The following PPM1B variants were observed in gnomAD, a reference collection of about 807,000 sequenced individuals.
PPM1B encodes protein phosphatase 1B.
A neutral mutation model predicts 43.0 loss-of-function variants in PPM1B; 22 were observed. The observed-to-expected ratio is 0.51, with a 90% confidence interval of 0.37 to 0.73. The LOEUF (loss-of-function observed/expected upper bound fraction) is 0.73, where lower values mean the gene tolerates loss of function less well. Among genes scored for constraint, PPM1B ranks in the 30% least tolerant of loss-of-function variants. The pLI, the probability that PPM1B is intolerant of heterozygous loss-of-function variation, is 0.00. For missense variants in PPM1B, 632 were observed against 584.2 expected (o/e 1.08, Z -0.84); for synonymous variants, 217 against 197.9 (o/e 1.10, Z -0.81).
rs542493858 is a variant in PPM1B at position 44,179,774 on chromosome 2, C to T, written c.-15+10500C>T. On this transcript the variant is annotated intron_variant, in intron 1 of 5. Coordinates refer to ENST00000282412, the MANE Select transcript of PPM1B (RefSeq NM_002706.6). ...CTGTAATCCCAGCACTTTGGGAGGCCGAGGCGGGTGGATCACCTGAGGTCA... is the reference window on the plus strand; with the variant it reads ...CTGTAATCCCAGCACTTTGGGAGGCTGAGGCGGGTGGATCACCTGAGGTCA... 2.2e-4 allele frequency among the ~76,000 whole-genome samples: 33 copies of T among 152,030 alleles called. 2 individuals are homozygous for T. The South Asian group carries it at 4.8e-3, about 22-fold the overall frequency.
At position 44,176,202 on chromosome 2, in the gene PPM1B, G is replaced by C. The variant is rs573254426; in HGVS notation, c.-15+6928G>C. 2.8e-3 allele frequency among the ~76,000 whole-genome samples: 429 copies of C among 152,308 alleles called. 3 individuals carry two copies. Among genetic ancestry groups the C allele is most frequent in the Non-Finnish European group, 4.4e-3 (299 of 68,034 alleles). On this transcript the variant is annotated intron_variant, in intron 1 of 5. Coordinates refer to ENST00000282412, the MANE Select transcript of PPM1B (RefSeq NM_002706.6). ...TTACTGTACATCCTTGGATAGATGA[G>C]TTCCTGGAAAGGAGGATGGGAGTAA...
At chr2:44,215,581 A>G (rs1669682957) in intron 3 of PPM1B, among the ~76,000 whole-genome samples, 1 of 152,220 alleles carries the variant, frequency 6.6e-6, no homozygotes, top group African/African-American at 2.4e-5. Context: ...ATTCTGGTGT[A>G]CTTGGTAAAT....
intron 1 of PPM1B, among the ~76,000 whole-genome samples, chr2:44,194,688 A>G (rs560182545): frequency 1.6e-4 from 25 of 151,994 alleles, no homozygotes; most frequent in African/African-American, 5.5e-4. Flanking sequence ...GCGCTACTGC[A>G]CTCCAGCCTG....
At chr2:44,178,645 A>G (rs1418587874) in intron 1 of PPM1B, among the ~76,000 whole-genome samples, 1 of 151,228 alleles carries the variant, frequency 6.6e-6, no homozygotes, top group Non-Finnish European at 1.5e-5. Flanking sequence ...ATTTTTTTGT[A>G]TTTTTAGTAG....
intron 3 of PPM1B, among the ~76,000 whole-genome samples, chr2:44,210,077 C>T (rs1268631736): frequency 1.3e-5 from 2 of 152,098 alleles, no homozygotes; most frequent in East Asian, 1.9e-4. Context: ...CTCTTAATTC[C>T]GCTAATACTA....
intron 1 of PPM1B, among the ~76,000 whole-genome samples, chr2:44,187,905 C>T (rs983227833): frequency 6.6e-6 from 1 of 152,110 alleles, no homozygotes; most frequent in African/African-American, 2.4e-5. Flanking sequence ...TGCCCGCCAC[C>T]ATGCCCGGCT....
chr2:44,215,660 G>A (rs2104209789), intron 3 of PPM1B, among the ~76,000 whole-genome samples: 2 of 152,230 alleles, frequency 1.3e-5, no homozygotes, highest in Middle Eastern at 6.8e-3. Context: ...ACAGGGAATA[G>A]TAGTTCACCT....
chr2:44,218,194 G>A (rs1455414278), intron 4 of PPM1B, 116 bp downstream of exon 4: 7 of 782,778 alleles, frequency 8.9e-6, no homozygotes, highest in African/African-American at 8.8e-5. Flanking sequence ...ATGGGTTAGT[G>A]TTTCTTATAC....
At position 44,230,668 on chromosome 2, in the gene PPM1B, G is replaced by C; in HGVS notation, c.1390G>C (p.Asp464His). ...ATCAGAAAGTGGTCTTGCTGAATTA[G>C]ACAGCTCTAATGAAGATGCAGGGAC... ...TESESGLAEL[D>H]SSNEDAGTKM... is the part of the protein sequence containing the mutation. The change falls in exon 6 of 6, where the codon GAC becomes CAC. Residue 464 changes from aspartate (D) to histidine (H), a missense_variant. By Grantham distance (81) the Asp-to-His change is moderately conservative (BLOSUM62 -1). Coordinates refer to ENST00000282412, the MANE Select transcript of PPM1B (RefSeq NM_002706.6). 2.5e-6 allele frequency: 4 copies of C among 1,614,038 alleles called. No homozygotes were observed. Among genetic ancestry groups the C allele is most frequent in the Non-Finnish European group, 3.4e-6 (4 of 1,179,920 alleles).
At chr2:44,227,897 A>G (rs1424078670) in intron 5 of PPM1B, among the ~76,000 whole-genome samples, 3 of 148,288 alleles carry the variant, frequency 2.0e-5, no homozygotes, top group African/African-American at 7.4e-5. Flanking sequence ...CAGGAAAACA[A>G]GCACTTTTTT....
intron 1 of PPM1B, among the ~76,000 whole-genome samples, chr2:44,184,053 C>T (rs908584407): frequency 6.6e-6 from 1 of 152,170 alleles, no homozygotes; most frequent in Non-Finnish European, 1.5e-5. Context: ...CTTAGTTTTA[C>T]CACTTGATAG....
chr2:44,202,146 A>T (rs1668968881), intron 2 of PPM1B, 101 bp downstream of exon 2: 6 of 1,178,710 alleles, frequency 5.1e-6, no homozygotes, highest in Middle Eastern at 5.8e-4. Context: ...TAATATTTTC[A>T]CAGAAGCTGT....
chr2:44,170,883 T>C (rs992515098), intron 1 of PPM1B, among the ~76,000 whole-genome samples: 16 of 152,216 alleles, frequency 1.1e-4, no homozygotes, highest in Admixed American at 7.8e-4. Context: ...GAACAGAATA[T>C]TTTAGTCCAC....
chr2:44,222,239 C>G (rs1670010526), intron 5 of PPM1B, among the ~76,000 whole-genome samples: 1 of 151,954 alleles, frequency 6.6e-6, no homozygotes, highest in African/African-American at 2.4e-5. Context: ...AGTCCAAGCA[C>G]AATCCTGGCA....
downstream of PPM1B, among the ~76,000 whole-genome samples, chr2:44,235,495 C>G (rs1004453687): frequency 6.7e-6 from 1 of 149,516 alleles, no homozygotes; most frequent in Non-Finnish European, 1.5e-5. Flanking sequence ...CCCAGCTACT[C>G]GGGAGGCTGA....
chr2:44,207,831 C>G (rs376796847), intron 2 of PPM1B, among the ~76,000 whole-genome samples: 14 of 151,420 alleles, frequency 9.2e-5, no homozygotes, highest in African/African-American at 3.4e-4. Context: ...AGTCTGCTCA[C>G]CGAGGCCTCC....
downstream of PPM1B, among the ~76,000 whole-genome samples, chr2:44,246,145 C>A (rs898103234): frequency 6.6e-6 from 1 of 152,150 alleles, no homozygotes; most frequent in East Asian, 1.9e-4. Context: ...CTTGATCATT[C>A]TTAAAGTATG....
chr2:44,216,902 CAA>C (rs34344485), intron 3 of PPM1B, among the ~76,000 whole-genome samples: 2 of 140,066 alleles, frequency 1.4e-5, no homozygotes. Flanking sequence ...TCCAGTGTCT[CAA>C]AAAAAAAAAA....
At chr2:44,236,823 C>G (rs189914814), downstream of PPM1B, among the ~76,000 whole-genome samples, 164 of 152,272 alleles carry the variant, frequency 1.1e-3, no homozygotes, top group African/African-American at 3.8e-3. Flanking sequence ...ATTTCCTCTT[C>G]CAAATTGCCT....
Sources: gnomAD v4.1 joint callset for allele counts (sites outside exome capture counted in the v4.1 genomes callset) on GRCh38, gnomAD v4.1.1 for gene constraint, MANE v1.5 for transcripts, NCBI Gene and HGNC (gene_info 2026-07-23, HGNC 2026-07-21) for gene names.